Variants in GALNT17 observed in about 807,000 individuals in gnomAD.
GALNT17 encodes polypeptide N-acetylgalactosaminyltransferase 17.
A neutral mutation model predicts 63.7 loss-of-function variants in GALNT17; 29 were observed. That is an observed-to-expected ratio of 0.46 (90% CI 0.34 to 0.62). The LOEUF (loss-of-function observed/expected upper bound fraction) is 0.62, where lower values mean the gene tolerates loss of function less well. Among genes scored for constraint, GALNT17 ranks in the 20% least tolerant of loss-of-function variants. The pLI is 0.01. For synonymous variants in GALNT17, 305 were observed against 318.3 expected (o/e 0.96, Z 0.45); for missense variants, 603 against 799.6 (o/e 0.75, Z 2.97).
chr7:71,225,429 C>T (rs761475022), intron 1 of GALNT17, among the ~76,000 whole-genome samples: 8 of 152,136 alleles, frequency 5.3e-5, no homozygotes, highest in Non-Finnish European at 7.4e-5. Flanking sequence ...TGCATAATGG[C>T]GGCAGCGATT....
At chr7:71,588,131 A>C (rs1462099749) in intron 6 of GALNT17, among the ~76,000 whole-genome samples, 3 of 152,210 alleles carry the variant, frequency 2.0e-5, no homozygotes, top group African/African-American at 7.2e-5. Context: ...ACAAAGCTAG[A>C]CAACACTGAT....
intron 6 of GALNT17, among the ~76,000 whole-genome samples, chr7:71,604,820 A>C (rs983486423): frequency 1.3e-5 from 2 of 152,174 alleles, no homozygotes; most frequent in African/African-American, 4.8e-5. Context: ...AAATGTACCA[A>C]GTTCCTCACT....
At chr7:71,461,063 G>A (rs532512602) in intron 5 of GALNT17, among the ~76,000 whole-genome samples, 240 of 152,258 alleles carry the variant, frequency 1.6e-3, no homozygotes, top group African/African-American at 5.2e-3. Flanking sequence ...AGATGGAGCC[G>A]CTCTAGTTCA....
chr7:71,333,189 T>G (rs1044594212), intron 1 of GALNT17, among the ~76,000 whole-genome samples: 1 of 152,232 alleles, frequency 6.6e-6, no homozygotes, highest in Non-Finnish European at 1.5e-5. Flanking sequence ...AAAGCAACCA[T>G]GGATCTACTT....
chr7:71,203,243 G>C (rs765055167), intron 1 of GALNT17, among the ~76,000 whole-genome samples: 1 of 152,134 alleles, frequency 6.6e-6, no homozygotes, highest in Non-Finnish European at 1.5e-5. Flanking sequence ...CATAGTGGCT[G>C]TATTAATTTT....
intron 6 of GALNT17, among the ~76,000 whole-genome samples, chr7:71,583,000 TA>T (rs957445238): frequency 6.6e-6 from 1 of 152,158 alleles, no homozygotes; most frequent in African/African-American, 2.4e-5. Flanking sequence ...AGTAGGATTT[TA>T]AAAAATTGAA....
At chr7:71,357,409 A>G (rs1003994035) in intron 2 of GALNT17, among the ~76,000 whole-genome samples, 8 of 152,072 alleles carry the variant, frequency 5.3e-5, no homozygotes, top group African/African-American at 1.9e-4. Context: ...TCCTGAAACC[A>G]TTCCCCATCC....
At chr7:71,387,341 G>A (rs1034335501) in intron 2 of GALNT17, among the ~76,000 whole-genome samples, 2 of 151,444 alleles carry the variant, frequency 1.3e-5, no homozygotes, top group Non-Finnish European at 2.9e-5. Flanking sequence ...GGGGCGGGGA[G>A]GGGGAACAGG....
chr7:71,237,381 G>C (rs749237790), intron 1 of GALNT17, among the ~76,000 whole-genome samples: 30 of 151,822 alleles, frequency 2.0e-4, no homozygotes, highest in Non-Finnish European at 3.4e-4. Context: ...AAGATGTCTG[G>C]AATAAGGGCC....
At chr7:71,328,096 G>C (rs778744762) in intron 1 of GALNT17, among the ~76,000 whole-genome samples, 1 of 152,276 alleles carries the variant, frequency 6.6e-6, no homozygotes, top group South Asian at 2.1e-4. Context: ...AGTGAAGCAT[G>C]AAGGATATTT....
At chr7:71,687,164 C>T (rs1791372040) in intron 9 of GALNT17, among the ~76,000 whole-genome samples, 3 of 152,162 alleles carry the variant, frequency 2.0e-5, no homozygotes, top group Non-Finnish European at 1.5e-5. Flanking sequence ...TCCTCTTCTC[C>T]GTCCTTTCCG....
chr7:71,474,025 G>A (rs752553358), intron 5 of GALNT17, among the ~76,000 whole-genome samples: 1 of 152,228 alleles, frequency 6.6e-6, no homozygotes, highest in Admixed American at 6.5e-5. Flanking sequence ...TTGATTATAT[G>A]CTAAACAAGG....
chr7:71,505,507 G>A (rs1013037137), intron 5 of GALNT17, among the ~76,000 whole-genome samples: 6 of 152,156 alleles, frequency 3.9e-5, no homozygotes, highest in Non-Finnish European at 8.8e-5. Flanking sequence ...GGCTGAAGTG[G>A]GAGGATTGCT....
intron 9 of GALNT17, among the ~76,000 whole-genome samples, chr7:71,709,515 C>G (rs1259439240): frequency 6.6e-6 from 1 of 152,008 alleles, no homozygotes; most frequent in Admixed American, 6.6e-5. Context: ...GTGAGAGGGC[C>G]CATCTTAGAC....
chr7:71,295,301 C>A (rs187477079), intron 1 of GALNT17, among the ~76,000 whole-genome samples: 123 of 152,266 alleles, frequency 8.1e-4, no homozygotes, highest in African/African-American at 2.8e-3. Context: ...CCCTGTACTT[C>A]ACTAGGCAGC....
chr7:71,588,973 C>A lies in GALNT17; in HGVS notation c.1080+17571C>A, dbSNP rs1348079420. ...AAACTGAGCCAGAGAGGACACATAG[C>A]CCACATAAGGGTCAATACGGGGCCC... On this transcript the variant is annotated intron_variant, in intron 6 of 10. Coordinates refer to ENST00000333538, the MANE Select transcript of GALNT17 (RefSeq NM_022479.3). Among the ~76,000 whole-genome samples, 5 of 152,136 alleles carry A rather than the reference C, an allele frequency of 3.3e-5. No homozygotes were observed. In the South Asian group the frequency reaches 6.2e-4, roughly 19 times the overall value.
intron 6 of GALNT17, among the ~76,000 whole-genome samples, chr7:71,633,457 C>T (rs1019087594): frequency 2.0e-5 from 3 of 152,056 alleles, no homozygotes; most frequent in Non-Finnish European, 4.4e-5. Flanking sequence ...AGGATTCTCC[C>T]GAAGTCCTTA....
chr7:71,433,898 C>T (rs1197622623), intron 5 of GALNT17, among the ~76,000 whole-genome samples: 28 of 152,182 alleles, frequency 1.8e-4, no homozygotes. Context: ...GACCCACCCT[C>T]AATCTGTTTG....
intron 1 of GALNT17, chr7:71,300,536 C>A (rs1239933014): frequency 5.0e-6 from 2 of 402,554 alleles, no homozygotes; most frequent in Non-Finnish European, 1.0e-5. Context: ...AAGTGAGAAA[C>A]AGCTGTTCTT....
Sources: gnomAD v4.1 joint callset for allele counts (sites outside exome capture counted in the v4.1 genomes callset) on GRCh38, gnomAD v4.1.1 for gene constraint, MANE v1.5 for transcripts, NCBI Gene and HGNC (gene_info 2026-07-23, HGNC 2026-07-21) for gene names.